PPP2R2B: variants seen among roughly 807,000 people sequenced by gnomAD.
PPP2R2B encodes serine/threonine-protein phosphatase 2A 55 kDa regulatory subunit B beta isoform.
In PPP2R2B, 5 loss-of-function variants were observed where a neutral mutation model predicts 46.0. The observed-to-expected ratio is 0.11, with a 90% CI of 0.06 to 0.23. The LOEUF is 0.23. PPP2R2B is among the 10% of genes least tolerant of loss of function. PPP2R2B has a pLI of 1.00. For missense variants in PPP2R2B, 367 were observed against 575.0 expected (o/e 0.64, Z 3.70); for synonymous variants, 215 against 206.7 (o/e 1.04, Z -0.34).
chr5:147,078,529 T>C (rs1470058854), intron 2 of PPP2R2B, among the ~76,000 whole-genome samples: 1 of 152,140 alleles, frequency 6.6e-6, no homozygotes, highest in Non-Finnish European at 1.5e-5. Context: ...GGCTCACGCC[T>C]GTAATCCCAG....
Position 146,628,570 on chromosome 5 carries a change from C to A in PPP2R2B, c.790+9681G>T, listed in dbSNP as rs1328090385. 2.6e-5 allele frequency among the ~76,000 whole-genome samples: 4 copies of A among 152,190 alleles called. No homozygotes were observed. In the East Asian group the frequency reaches 5.8e-4, roughly 22 times the overall value. On this transcript the variant is annotated intron_variant, in intron 7 of 9. Transcript: ENST00000394411. Reference sequence around the variant, plus strand: ...AGATTCAGCTTCTGCAATTCCCCAGCACTAGACATTACCTCTCAATAAGAT... The same window carrying A: ...AGATTCAGCTTCTGCAATTCCCCAGAACTAGACATTACCTCTCAATAAGAT...
At chr5:146,635,385 C>T (rs1774748407) in intron 7 of PPP2R2B, among the ~76,000 whole-genome samples, 1 of 152,008 alleles carries the variant, frequency 6.6e-6, no homozygotes, top group Non-Finnish European at 1.5e-5. Context: ...GGTATTAAGC[C>T]TAGTACCAAT....
chr5:146,911,288 C>T (rs1327479631), intron 1 of PPP2R2B, among the ~76,000 whole-genome samples: 5 of 152,044 alleles, frequency 3.3e-5, no homozygotes, highest in Non-Finnish European at 5.9e-5. Context: ...TTCGCCATAT[C>T]GGCCAGGCTG....
Position 146,702,488 on chromosome 5 carries a change from A to G in PPP2R2B, c.71-1346T>C, listed in dbSNP as rs140067000. ...AAGGCCTGCAGGGCCACAAAGTAAC[A>G]TAGGTGAACTAGAAGGACTATGTAT... On this transcript the variant is annotated intron_variant, in intron 2 of 9. Coordinates refer to ENST00000394411, the MANE Select transcript of PPP2R2B (RefSeq NM_181675.4). 6.6e-5 allele frequency among the ~76,000 whole-genome samples: 10 copies of G among 152,358 alleles called. 1 individual carries two copies. The East Asian group carries it at 1.9e-3, about 29-fold the overall frequency.
intron 7 of PPP2R2B, 105 bp downstream of exon 7, chr5:146,638,146 C>T (rs1774944185): frequency 8.5e-7 from 1 of 1,182,442 alleles, no homozygotes. Context: ...TTTCTTTACT[C>T]CTAGTGTGTC....
At chr5:146,902,752 G>A (rs765421107) in intron 1 of PPP2R2B, among the ~76,000 whole-genome samples, 3 of 152,108 alleles carry the variant, frequency 2.0e-5, no homozygotes, top group Non-Finnish European at 4.4e-5. Flanking sequence ...GCTGATAATC[G>A]TCCTCCCAAG....
intron 1 of PPP2R2B, among the ~76,000 whole-genome samples, chr5:146,893,562 G>A (rs1198613826): frequency 6.6e-6 from 1 of 152,056 alleles, no homozygotes; most frequent in Non-Finnish European, 1.5e-5. Flanking sequence ...GCTCACACCT[G>A]TAATCCCAGC....
intron 2 of PPP2R2B, among the ~76,000 whole-genome samples, chr5:146,839,421 G>A (rs147466527): frequency 0.015 from 2,238 of 152,290 alleles, 57 homozygotes; most frequent in African/African-American, 0.051. Flanking sequence ...TCGGGAGGCT[G>A]GGGCAGGAGA....
intron 2 of PPP2R2B, among the ~76,000 whole-genome samples, chr5:147,075,367 T>C (rs1238226801): frequency 1.3e-5 from 2 of 152,114 alleles, no homozygotes; most frequent in Non-Finnish European, 2.9e-5. Context: ...TAAGTTTAGG[T>C]CATCAACAAA....
chr5:147,079,468 A>ATATG, intron 2 of PPP2R2B, among the ~76,000 whole-genome samples: 1 of 145,882 alleles, frequency 6.9e-6, no homozygotes, highest in Non-Finnish European at 1.5e-5. Context: ...ATATATATAT[A>ATATG]TACATGTGCA....
intron 2 of PPP2R2B, chr5:146,706,467 T>A (rs1779860391): frequency 3.5e-6 from 4 of 1,134,042 alleles, no homozygotes; most frequent in Admixed American, 3.5e-5. Context: ...GGTGGCGATC[T>A]CGATGTCCAG....
intron 5 of PPP2R2B, among the ~76,000 whole-genome samples, chr5:146,651,477 G>A (rs1209164037): frequency 4.6e-5 from 7 of 152,152 alleles, no homozygotes; most frequent in Admixed American, 4.6e-4. Flanking sequence ...CTTTCTGGTG[G>A]ATCAGAGAAT....
intron 2 of PPP2R2B, among the ~76,000 whole-genome samples, chr5:147,080,685 T>C (rs79014095): frequency 0.015 from 2,312 of 152,242 alleles, 79 homozygotes; most frequent in African/African-American, 0.053. Flanking sequence ...CTGCACTTCA[T>C]GTATTGCCAA....
upstream of PPP2R2B, among the ~76,000 whole-genome samples, chr5:147,059,656 G>C (rs914379701): frequency 3.9e-5 from 6 of 152,208 alleles, no homozygotes; most frequent in Non-Finnish European, 8.8e-5. Flanking sequence ...GCAGAGTCCA[G>C]TGACAAGAAA....
intron 2 of PPP2R2B, among the ~76,000 whole-genome samples, chr5:146,823,257 G>T (rs1247353914): frequency 6.6e-6 from 1 of 152,046 alleles, no homozygotes; most frequent in African/African-American, 2.4e-5. Context: ...GAGTGCAGTG[G>T]CATGATCTCG....
chr5:146,886,368 T>TAAATAAATAAATA (rs1554073303), intron 1 of PPP2R2B, among the ~76,000 whole-genome samples: 2 of 149,906 alleles, frequency 1.3e-5, no homozygotes, highest in Non-Finnish European at 3.0e-5. Flanking sequence ...AATAAATAAA[T>TAAATAAATAAATA]AATAAAACTA....
At chr5:146,675,401 G>A (rs931900836) in intron 5 of PPP2R2B, among the ~76,000 whole-genome samples, 5 of 151,994 alleles carry the variant, frequency 3.3e-5, no homozygotes, top group African/African-American at 1.2e-4. Context: ...CCCTCACCCC[G>A]CTATAAATAC....
chr5:147,010,267 C>T (rs780753600), intron 1 of PPP2R2B, among the ~76,000 whole-genome samples: 20 of 151,984 alleles, frequency 1.3e-4, no homozygotes, highest in Middle Eastern at 3.2e-3. Flanking sequence ...CACCAGGGGC[C>T]GGTTTTGTGG....
intron 2 of PPP2R2B, among the ~76,000 whole-genome samples, chr5:146,763,074 G>A (rs952753810): frequency 6.6e-6 from 1 of 152,176 alleles, no homozygotes; most frequent in South Asian, 2.1e-4. Context: ...GGAGCACTTG[G>A]CCATAACAAA....
Sources: allele counts gnomAD v4.1 joint callset (sites outside exome capture counted in the v4.1 genomes callset), GRCh38; gene constraint gnomAD v4.1.1; transcripts MANE v1.5; gene names NCBI Gene and HGNC (gene_info 2026-07-23, HGNC 2026-07-21).